Variants in DNAJC5B observed in about 807,000 individuals in gnomAD.
DNAJC5B encodes the protein dnaJ homolog subfamily C member 5B.
Under a neutral mutation model 24.7 loss-of-function variants are expected in DNAJC5B, and 23 were observed. The observed-to-expected ratio is 0.93, with a 90% CI of 0.67 to 1.32. DNAJC5B has a LOEUF of 1.32. Ranked by LOEUF, DNAJC5B falls within the 40% of genes most tolerant of loss-of-function variation. DNAJC5B has a pLI of 0.00. For missense variants in DNAJC5B, 238 were observed against 240.8 expected (o/e 0.99, Z 0.08); for synonymous variants, 101 against 90.1 (o/e 1.12, Z -0.68).
At chr8:66,053,689 G>GCGCGATCTCGGCTCAC (rs1806901113) in intron 3 of DNAJC5B, among the ~76,000 whole-genome samples, 1 of 151,328 alleles carries the variant, frequency 6.6e-6, no homozygotes, top group Non-Finnish European at 1.5e-5. Context: ...GAGTGCAATG[G>GCGCGATCTCGGCTCAC]CGCGATCTCG....
chr8:66,015,153 G>A, the DNAJC5B span, among the ~76,000 whole-genome samples: 3 of 152,152 alleles, frequency 2.0e-5, no homozygotes, highest in Admixed American at 6.5e-5. Context: ...CCGATATCCT[G>A]GCAATAGCAT....
chr8:66,023,003 C>T (rs910651961), intron 1 of DNAJC5B, among the ~76,000 whole-genome samples: 26 of 152,196 alleles, frequency 1.7e-4, no homozygotes, highest in African/African-American at 6.3e-4. Context: ...CATTTGTTGA[C>T]TGTAACGTTC....
At chr8:66,064,081 A>G (rs1377890629) in intron 3 of DNAJC5B, among the ~76,000 whole-genome samples, 1 of 152,228 alleles carries the variant, frequency 6.6e-6, no homozygotes, top group Admixed American at 6.5e-5. Context: ...GTAGCATTCA[A>G]GTGCATGAAC....
At chr8:66,063,643 T>G (rs116585199) in intron 3 of DNAJC5B, among the ~76,000 whole-genome samples, 329 of 152,324 alleles carry the variant, frequency 2.2e-3, no homozygotes, top group African/African-American at 7.1e-3. Context: ...TAGTTCTTCA[T>G]GCAGTGCCAA....
At position 66,080,477 on chromosome 8, in the gene DNAJC5B, C is replaced by T. The variant is rs1807569184; in HGVS notation, c.434C>T (p.Ser145Leu). 1 of 1,613,854 alleles carries T rather than the reference C, an allele frequency of 6.2e-7. No homozygotes were observed. The highest frequency in any genetic ancestry group is 8.5e-7 in the Non-Finnish European group (1 of 1,179,976). Reference sequence around the variant, plus strand: ...TGTGGACACTGCCGGCCCGAGTCATCAGTGCCAGAAGAGGACTTCTATGTG... The same window carrying T: ...TGTGGACACTGCCGGCCCGAGTCATTAGTGCCAGAAGAGGACTTCTATGTG... Reference protein sequence around the residue: ...CCCGHCRPESSVPEEDFYVSP... With the variant: ...CCCGHCRPESLVPEEDFYVSP... Residue 145 changes from serine to leucine, a missense_variant, in exon 5 of 6, where the codon TCA (serine) becomes TTA (leucine). Physicochemically the swap from Ser to Leu is moderately radical, Grantham distance 145 (BLOSUM62 -2). Transcript: ENST00000276570.
At chr8:66,035,058 A>G (rs1383246850) in intron 1 of DNAJC5B, among the ~76,000 whole-genome samples, 2 of 152,248 alleles carry the variant, frequency 1.3e-5, no homozygotes, top group Admixed American at 1.3e-4. Context: ...CATGGTTAGT[A>G]TCAATGAAAG....
At chr8:66,050,796 C>T (rs1806828467) in intron 2 of DNAJC5B, among the ~76,000 whole-genome samples, 1 of 152,080 alleles carries the variant, frequency 6.6e-6, no homozygotes, top group African/African-American at 2.4e-5. Context: ...TTCTTCAGTC[C>T]TAGGATTTGA....
At chr8:66,028,287 C>T (rs897383830) in intron 1 of DNAJC5B, among the ~76,000 whole-genome samples, 5 of 152,196 alleles carry the variant, frequency 3.3e-5, no homozygotes, top group African/African-American at 9.6e-5. Context: ...ACTCTACCTG[C>T]GCTTTGACAA....
chr8:66,064,984 A>C (rs1807158887), intron 3 of DNAJC5B, among the ~76,000 whole-genome samples: 1 of 152,242 alleles, frequency 6.6e-6, no homozygotes, highest in South Asian at 2.1e-4. Context: ...TTGTACTTTT[A>C]ATCCTTACAT....
chr8:66,063,936 GCATGGTTGTGCAATCTTCT>G (rs1807136255), intron 3 of DNAJC5B, among the ~76,000 whole-genome samples: 1 of 152,004 alleles, frequency 6.6e-6, no homozygotes, highest in Admixed American at 6.5e-5. Flanking sequence ...GCTCTGGTTT[GCATGGTTGTGCAATCTTCT>G]CCAGCAATGC....
At chr8:66,096,121 A>G (rs1807947554) in intron 5 of DNAJC5B, among the ~76,000 whole-genome samples, 2 of 152,182 alleles carry the variant, frequency 1.3e-5, no homozygotes, top group South Asian at 4.1e-4. Context: ...GGAGGTCAGA[A>G]GTCAGAGATC....
chr8:66,054,460 G>T (rs1474435302), intron 3 of DNAJC5B, among the ~76,000 whole-genome samples: 1 of 152,140 alleles, frequency 6.6e-6, no homozygotes, highest in East Asian at 1.9e-4. Context: ...TAAGGAATGA[G>T]GTAGAATTCC....
intron 2 of DNAJC5B, among the ~76,000 whole-genome samples, chr8:66,048,327 A>G (rs1487276859): frequency 1.3e-5 from 2 of 152,192 alleles, no homozygotes; most frequent in South Asian, 2.1e-4. Flanking sequence ...GGGAAAGGGC[A>G]GGCAGCAGTG....
chr8:66,090,232 AGTG>A (rs1807817567), intron 5 of DNAJC5B, among the ~76,000 whole-genome samples: 1 of 147,726 alleles, frequency 6.8e-6, no homozygotes, highest in African/African-American at 2.5e-5. Flanking sequence ...ATGTGTATGT[AGTG>A]TGTGTGCGTG....
Position 66,100,107 on chromosome 8 carries a change from G to A in DNAJC5B, c.*76G>A. Reference sequence around the variant, plus strand: ...TCCAGATGGTCGTAGGGGAGCGTGTGGGGCATAAAGTGCTGTGAACTTTTC... The same window carrying A: ...TCCAGATGGTCGTAGGGGAGCGTGTAGGGCATAAAGTGCTGTGAACTTTTC... On this transcript the variant is annotated 3_prime_UTR_variant, in exon 6 of 6. Transcript: ENST00000276570. 1 of 1,253,582 alleles carries A rather than the reference G, an allele frequency of 8.0e-7. No individual in the cohort carries two copies. Among genetic ancestry groups the A allele is most frequent in the Non-Finnish European group, 1.1e-6 (1 of 898,500 alleles). 77.7% of individuals were successfully genotyped at this position (1,253,582 alleles called of 1,614,324 possible).
At chr8:66,074,865 T>C (rs1807427344) in intron 3 of DNAJC5B, among the ~76,000 whole-genome samples, 1 of 152,190 alleles carries the variant, frequency 6.6e-6, no homozygotes, top group Non-Finnish European at 1.5e-5. Context: ...ATGTTGCTGA[T>C]GACCAGGAAT....
In DNAJC5B at chr8:66,099,908, G is replaced by GT. The variant is rs771328007; in HGVS notation, c.506-26dup. ...AAAAGAACTGTAACATGATGAGAGT[G>GT]TTTATTGCTTTGCTTTGTTTATTTT... On this transcript the variant is annotated intron_variant, in intron 5 of 5. Transcript: ENST00000276570. 6.3e-6 allele frequency: 10 copies of GT among 1,597,142 alleles called. No individual in the cohort carries two copies. The East Asian group carries it at 2.2e-4, about 36-fold the overall frequency.
upstream of DNAJC5B, among the ~76,000 whole-genome samples, chr8:66,017,259 G>A (rs1020701937): frequency 1.3e-5 from 2 of 152,152 alleles, no homozygotes; most frequent in African/African-American, 2.4e-5. Context: ...CAACTCAAAC[G>A]ACTTTTATTG....
At chr8:66,077,230 C>A (rs1012079926) in intron 4 of DNAJC5B, among the ~76,000 whole-genome samples, 20 of 152,262 alleles carry the variant, frequency 1.3e-4, no homozygotes, top group African/African-American at 4.8e-4. Flanking sequence ...TTAGCCATGT[C>A]CTTTTCTATC....
Sources: allele counts gnomAD v4.1 joint callset (sites outside exome capture counted in the v4.1 genomes callset), GRCh38; gene constraint gnomAD v4.1.1; transcripts MANE v1.5; gene names NCBI Gene and HGNC (gene_info 2026-07-23, HGNC 2026-07-21).